Variants in MTFR2 observed in about 807,000 individuals in gnomAD.
MTFR2 encodes the protein DUF729 domain-containing protein 1.
In MTFR2, 44 loss-of-function variants were observed where a neutral mutation model predicts 41.2. That is an observed-to-expected ratio of 1.07 (90% CI 0.84 to 1.37). MTFR2 has a LOEUF of 1.37. MTFR2 is among the 40% of genes most tolerant of loss of function. The pLI, the probability that MTFR2 is intolerant of heterozygous loss-of-function variation, is 0.00. For missense variants in MTFR2, 452 were observed against 459.5 expected, an observed-to-expected ratio of 0.98 and a Z score of 0.15; for synonymous variants, 141 against 154.6, an observed-to-expected ratio of 0.91 and a Z score of 0.65.
At chr6:136,242,503 T>C (rs1780106362) in intron 4 of MTFR2, among the ~76,000 whole-genome samples, 1 of 152,196 alleles carries the variant, frequency 6.6e-6, no homozygotes, top group Non-Finnish European at 1.5e-5. Context: ...TATCTGAATA[T>C]ACTAACATAT....
At position 136,241,676 on chromosome 6, in the gene MTFR2, T is replaced by G; in HGVS notation, c.282A>C (p.Arg94=). The stretch of plus-strand genomic sequence containing the variant: ...CTTCTTCATTTTTCCATATACTATT[T>G]CTGTGGGTGAAAAAAAATAGGAAAT... The part of the protein sequence containing the change: ...NDEEASYLRF[R]NSIWKNEEEK... Residue 94 remains arginine, a splice_region_variant and synonymous_variant, in exon 5 of 8, where the codon CGA becomes CGC. Transcript: ENST00000420702. The G allele has an allele frequency of 6.2e-7, 1 of 1,600,976 alleles. No individual in the cohort carries two copies. The highest frequency in any genetic ancestry group is 8.5e-7 in the Non-Finnish European group (1 of 1,175,186).
chr6:136,243,020 G>A (rs374853735), intron 3 of MTFR2, 47 bp from the exon 4 acceptor site: 131 of 1,303,686 alleles, frequency 1.0e-4, no homozygotes, highest in Non-Finnish European at 1.4e-4. Context: ...CAGGGAGTCA[G>A]GAGAAGACAC....
intron 6 of MTFR2, among the ~76,000 whole-genome samples, chr6:136,234,551 G>A (rs114822202): frequency 6.6e-6 from 1 of 152,238 alleles, no homozygotes; most frequent in Non-Finnish European, 1.5e-5. Context: ...GCAAACATGG[G>A]GCATAGGAGA....
At chr6:136,236,528 T>C (rs1779909884) in intron 6 of MTFR2, among the ~76,000 whole-genome samples, 1 of 152,166 alleles carries the variant, frequency 6.6e-6, no homozygotes, top group African/African-American at 2.4e-5. Context: ...TTTCCAGTGA[T>C]GGTAACAGTC....
chr6:136,241,738 A>G, intron 4 of MTFR2, 62 bp from the exon 5 acceptor site: 1 of 1,200,576 alleles, frequency 8.3e-7, no homozygotes, highest in South Asian at 1.4e-5. Flanking sequence ...AGAGGTATAA[A>G]CTCTTACACT....
chr6:136,240,636 T>C (rs1215084272), intron 5 of MTFR2, among the ~76,000 whole-genome samples: 2 of 152,160 alleles, frequency 1.3e-5, no homozygotes, highest in Non-Finnish European at 2.9e-5. Context: ...TCTCTATAAA[T>C]TTATAAAACA....
In MTFR2 at chr6:136,231,213, T is replaced by C. The variant is rs1291558772; in HGVS notation, c.*62A>G. The C allele has an allele frequency of 2.7e-6, 3 of 1,101,316 alleles. No homozygotes were observed. Among genetic ancestry groups the C allele is most frequent in the Non-Finnish European group, 4.1e-6 (3 of 740,346 alleles). 68.2% of individuals were successfully genotyped at this position (1,101,316 alleles called of 1,614,324 possible). A position where few individuals can be genotyped will look rare whatever the true frequency, so the allele number is the denominator to read the frequency against. On this transcript the variant is annotated 3_prime_UTR_variant, in exon 8 of 8. Coordinates refer to ENST00000420702, the MANE Select transcript of MTFR2 (RefSeq NM_001099286.3). ...GCCTTTAACAGTCCAAATCAGTTTCTAAGAATAATTTATCATCCAGGAAGA... is the reference window on the plus strand; with the variant it reads ...GCCTTTAACAGTCCAAATCAGTTTCCAAGAATAATTTATCATCCAGGAAGA...
chr6:136,249,120 C>A lies in MTFR2; in HGVS notation c.-21G>T. On this transcript the variant is annotated 5_prime_UTR_variant, in exon 2 of 8. Coordinates refer to ENST00000420702, the MANE Select transcript of MTFR2 (RefSeq NM_001099286.3). Reference sequence around the variant, plus strand: ...GACATTGATGAAGCAAATACAGAAGCCAATTCAAAGGAACATTATCAGTTT... The same window carrying A: ...GACATTGATGAAGCAAATACAGAAGACAATTCAAAGGAACATTATCAGTTT... 4 of 1,557,902 alleles carry A rather than the reference C, an allele frequency of 2.6e-6. No individual in the cohort carries two copies. Among genetic ancestry groups the A allele is most frequent in the Non-Finnish European group, 3.4e-6 (4 of 1,161,006 alleles).
intron 3 of MTFR2, 63 bp from the exon 4 acceptor site, chr6:136,243,036 C>A: frequency 2.0e-6 from 2 of 1,023,886 alleles, no homozygotes; most frequent in South Asian, 1.6e-5. Flanking sequence ...GACACATGCC[C>A]CATGGTATTA....
chr6:136,239,699 T>A lies in MTFR2; in HGVS notation c.636A>T (p.Pro212=), dbSNP rs1779999856. The A allele has an allele frequency of 1.9e-6, 3 of 1,613,548 alleles. No individual in the cohort carries two copies. Among genetic ancestry groups the A allele is most frequent in the Non-Finnish European group, 2.5e-6 (3 of 1,179,876 alleles). ...PGSVLSPPPP[P]PLPPQFSSLQ... is the part of the protein sequence containing the mutation. ...GAGATGAAAACTGAGGAGGAAGTGG[T>A]GGAGGAGGAGGAGGAGAAAGCACTG... Residue 212 remains proline, a synonymous_variant, in exon 6 of 8, where the codon CCA becomes CCT. Coordinates refer to ENST00000420702, the MANE Select transcript of MTFR2 (RefSeq NM_001099286.3).
intron 4 of MTFR2, among the ~76,000 whole-genome samples, chr6:136,242,655 G>C (rs1780109923): frequency 6.6e-6 from 1 of 151,852 alleles, no homozygotes; most frequent in Non-Finnish European, 1.5e-5. Flanking sequence ...TCCTAGGCCT[G>C]GTGTTAGGTT....
At position 136,239,796 on chromosome 6, in the gene MTFR2, C is replaced by A; in HGVS notation, c.539G>T (p.Arg180Leu). The stretch of plus-strand genomic sequence containing the variant: ...TGATGACAGCTGACCCAAACTAATG[C>A]GCTCGTCACTCAAGCCAAAGGAACC... ...NSSSFGLSDE[R>L]ISLGQLSSSR... The change falls in exon 6 of 8, where the codon CGC becomes CTC. Residue 180 changes from arginine (R) to leucine (L), a missense_variant. Arg to Leu is a moderately radical substitution (Grantham distance 102). Coordinates refer to ENST00000420702, the MANE Select transcript of MTFR2 (RefSeq NM_001099286.3). 1 of 1,609,194 alleles carries A rather than the reference C, an allele frequency of 6.2e-7. No individual in the cohort carries two copies. Among genetic ancestry groups the A allele is most frequent in the Non-Finnish European group, 8.5e-7 (1 of 1,176,938 alleles).
At chr6:136,232,187 C>T (rs1292730416) in intron 7 of MTFR2, among the ~76,000 whole-genome samples, 2 of 152,116 alleles carry the variant, frequency 1.3e-5, no homozygotes, top group South Asian at 2.1e-4. Flanking sequence ...ATGGTGAGCA[C>T]AGAGGCTGCA....
At chr6:136,248,840 A>G in intron 2 of MTFR2, 197 bp downstream of exon 2, 1 of 526,654 alleles carries the variant, frequency 1.9e-6, no homozygotes, top group African/African-American at 2.0e-5. Flanking sequence ...TTGTCCTATC[A>G]GGTAAATATG....
chr6:136,248,286 G>C (rs1780267009), intron 2 of MTFR2, among the ~76,000 whole-genome samples: 1 of 152,132 alleles, frequency 6.6e-6, no homozygotes, highest in African/African-American at 2.4e-5. Context: ...AATTTGATTT[G>C]CTTATGATAT....
At chr6:136,237,072 G>A (rs1013499956) in intron 6 of MTFR2, among the ~76,000 whole-genome samples, 8 of 152,258 alleles carry the variant, frequency 5.3e-5, no homozygotes, top group Admixed American at 2.0e-4. Flanking sequence ...TCCCCACTCA[G>A]CTCTCCAATG....
At chr6:136,244,075 T>C (rs1780154376) in intron 3 of MTFR2, among the ~76,000 whole-genome samples, 1 of 152,116 alleles carries the variant, frequency 6.6e-6, no homozygotes, top group Non-Finnish European at 1.5e-5. Flanking sequence ...GTCAAAAATT[T>C]TTACAAAATA....
At chr6:136,235,377 G>A (rs925938750) in intron 6 of MTFR2, among the ~76,000 whole-genome samples, 3 of 150,468 alleles carry the variant, frequency 2.0e-5, no homozygotes, top group East Asian at 1.9e-4. Context: ...ATTTCAGTAT[G>A]TGCATCTGGG....
intron 5 of MTFR2, 112 bp downstream of exon 5, chr6:136,241,332 T>A (rs568804408): frequency 1.3e-6 from 1 of 757,578 alleles, no homozygotes; most frequent in African/African-American, 1.8e-5. Context: ...TACTAGATGT[T>A]CCTGTATGCT....
Sources: allele counts gnomAD v4.1 joint callset (sites outside exome capture counted in the v4.1 genomes callset), GRCh38; gene constraint gnomAD v4.1.1; transcripts MANE v1.5; gene names NCBI Gene and HGNC (gene_info 2026-07-23, HGNC 2026-07-21).